Variants in OVCH2 observed in about 807,000 individuals in gnomAD.
OVCH2 encodes ovochymase-2.
OVCH2 carries 88 observed loss-of-function variants against 73.7 expected under a neutral mutation model. The ratio of observed to expected loss-of-function variants is 1.19; its 90% CI spans 1.01 to 1.43. The LOEUF (loss-of-function observed/expected upper bound fraction) is 1.43, where lower values mean the gene tolerates loss of function less well. OVCH2 is among the 40% of genes most tolerant of loss of function. The pLI, the probability that OVCH2 is intolerant of heterozygous loss-of-function variation, is 0.00. For missense variants in OVCH2, 706 were observed against 674.5 expected (o/e 1.05, Z -0.52); for synonymous variants, 265 against 234.5 (o/e 1.13, Z -1.19).
rs373163968 is a variant in OVCH2 at position 7,696,504 on chromosome 11, T to C, written c.1102A>G (p.Ser368Gly). 5.6e-6 allele frequency: 9 copies of C among 1,613,980 alleles called. No homozygotes were observed. Among genetic ancestry groups the C allele is most frequent in the Middle Eastern group, 1.6e-4 (1 of 6,062 alleles). Residue 368 changes from serine (S) to glycine (G), a missense_variant, in exon 10 of 16, where the codon AGT becomes GGT. Ser to Gly is a moderately conservative substitution (Grantham distance 56). Transcript: ENST00000533663. ...SHLDVESCHH[S>G]YLSMYSLEDR... Reference sequence around the variant, plus strand: ...TCTAAAGAATACATTGACAGGTAACTGTGGTGACAAGACTCAACATCTAGG... The same window carrying C: ...TCTAAAGAATACATTGACAGGTAACCGTGGTGACAAGACTCAACATCTAGG...
chr11:7,687,174 G>A (rs1856151058), downstream of OVCH2, among the ~76,000 whole-genome samples: 1 of 151,850 alleles, frequency 6.6e-6, no homozygotes, highest in African/African-American at 2.4e-5. Flanking sequence ...TATATTTCAG[G>A]GCATGTTATT....
the OVCH2 span, among the ~76,000 whole-genome samples, chr11:7,680,300 C>A: frequency 6.6e-6 from 1 of 152,202 alleles, no homozygotes; most frequent in Non-Finnish European, 1.5e-5. Context: ...CCAGTGTCTA[C>A]TGGAGAATTG....
Position 7,691,923 on chromosome 11 carries a change from C to G in OVCH2, c.1486G>C (p.Val496Leu). 6.4e-7 allele frequency: 1 copy of G among 1,571,964 alleles called. No individual in the cohort carries two copies. Among genetic ancestry groups the G allele is most frequent in the Non-Finnish European group, 8.6e-7 (1 of 1,156,886 alleles). Residue 496 changes from valine to leucine, a missense_variant, in exon 13 of 16, where the codon GTA becomes CTA. By Grantham distance (32) the Val-to-Leu change is conservative. Transcript: ENST00000533663. ...TSDYVTVHSD[V>L]ERKKEIARLC... ...AAACCTATTTCCTTCTTCCTTTCTA[C>G]ATCGCTGTGCACTGTCACATAGTCG...
At chr11:7,704,371 T>A (rs757313405) in intron 2 of OVCH2, among the ~76,000 whole-genome samples, 194 bp downstream of exon 2, 33 of 152,228 alleles carry the variant, frequency 2.2e-4, no homozygotes, top group Non-Finnish European at 4.1e-4. Flanking sequence ...TGATACTTGA[T>A]TTGATTCTAA....
downstream of OVCH2, among the ~76,000 whole-genome samples, chr11:7,689,217 G>A (rs1856174689): frequency 6.6e-6 from 1 of 152,182 alleles, no homozygotes; most frequent in African/African-American, 2.4e-5. Context: ...TAGTTTGAAG[G>A]CCCTTAAAAG....
chr11:7,680,054 C>T, the OVCH2 span, among the ~76,000 whole-genome samples: 2 of 152,066 alleles, frequency 1.3e-5, no homozygotes, highest in South Asian at 2.1e-4. Context: ...AAATGATCAA[C>T]ATAACTAACA....
At chr11:7,682,335 A>G in the OVCH2 span, among the ~76,000 whole-genome samples, 23 of 152,356 alleles carry the variant, frequency 1.5e-4, 1 homozygote, top group South Asian at 4.4e-3. Flanking sequence ...CAGCAAATGC[A>G]TAAATAACAC....
intron 12 of OVCH2, among the ~76,000 whole-genome samples, chr11:7,693,359 A>AGGGGC (rs752113914): frequency 6.6e-6 from 1 of 152,108 alleles, no homozygotes. Context: ...CTTTCTGGGA[A>AGGGGC]GGGGCCCTTT....
intron 3 of OVCH2, 94 bp from the exon 4 acceptor site, chr11:7,702,423 A>G: frequency 2.1e-6 from 2 of 938,536 alleles, no homozygotes; most frequent in Non-Finnish European, 3.1e-6. Flanking sequence ...AATGATATGG[A>G]TAAATAATAT....
chr11:7,684,775 A>G (rs1856125543), downstream of OVCH2, among the ~76,000 whole-genome samples: 1 of 152,056 alleles, frequency 6.6e-6, no homozygotes, highest in Non-Finnish European at 1.5e-5. Flanking sequence ...GCGAAAGTCT[A>G]TTTGCCTAGT....
At chr11:7,684,129 C>G in the OVCH2 span, among the ~76,000 whole-genome samples, 1 of 152,030 alleles carries the variant, frequency 6.6e-6, no homozygotes. Flanking sequence ...TGTCAGCAGA[C>G]CTGTTCTATA....
intron 12 of OVCH2, among the ~76,000 whole-genome samples, chr11:7,693,543 T>C (rs535927278): frequency 6.6e-6 from 1 of 152,334 alleles, no homozygotes; most frequent in South Asian, 2.1e-4. Context: ...TTCAATCACT[T>C]CTGGCTCTGG....
chr11:7,698,697 A>G (rs1696891119), intron 8 of OVCH2, 53 bp downstream of exon 8: 3 of 1,576,040 alleles, frequency 1.9e-6, no homozygotes, highest in African/African-American at 1.3e-5. Context: ...ATATTCAGAA[A>G]TGCTAGATGT....
downstream of OVCH2, among the ~76,000 whole-genome samples, chr11:7,687,266 G>T (rs1327438236): frequency 6.6e-6 from 1 of 151,400 alleles, no homozygotes; most frequent in Admixed American, 6.6e-5. Context: ...AAAAAAATAT[G>T]ATGTTACCCA....
At chr11:7,701,013 T>C (rs1218164540) in intron 6 of OVCH2, among the ~76,000 whole-genome samples, 1 of 152,202 alleles carries the variant, frequency 6.6e-6, no homozygotes, top group African/African-American at 2.4e-5. Flanking sequence ...TGTCCCTTTA[T>C]TTTGATGTAA....
rs139554432 is a variant in OVCH2 at position 7,693,385 on chromosome 11, T to C, written c.1414-1390A>G. ...GGGGCCCTTTTCTCTCCAAGTCAAA[T>C]GGTGAGCATATTCCTATGACTTTTA... On this transcript the variant is annotated intron_variant, in intron 12 of 15. Transcript: ENST00000533663. Among the ~76,000 whole-genome samples the C allele has an allele frequency of 6.0e-4, 92 of 152,334 alleles. No individual in the cohort carries two copies. The East Asian group carries it at 0.017, about 28-fold the overall frequency.
In OVCH2 at chr11:7,695,197, T is replaced by C. The variant is rs1340512754; in HGVS notation, c.1283-9A>G. 6.4e-7 allele frequency: 1 copy of C among 1,552,306 alleles called. No individual in the cohort carries two copies. Among genetic ancestry groups the C allele is most frequent in the South Asian group, 1.2e-5 (1 of 81,992 alleles). On this transcript the variant is annotated splice_polypyrimidine_tract_variant and intron_variant, in intron 11 of 15. Coordinates refer to ENST00000533663, the MANE Select transcript of OVCH2 (RefSeq NM_198185.7). ...GTAACTGCAACCTGAATCTGAAACGTAAGAAAAAGTCCAAACAGATGGCAC... is the reference window on the plus strand; with the variant it reads ...GTAACTGCAACCTGAATCTGAAACGCAAGAAAAAGTCCAAACAGATGGCAC...
downstream of OVCH2, among the ~76,000 whole-genome samples, chr11:7,685,045 G>A (rs536336380): frequency 2.0e-5 from 3 of 152,300 alleles, no homozygotes; most frequent in African/African-American, 7.2e-5. Context: ...AAATTCTCAT[G>A]GAGGGTAACA....
chr11:7,705,154 T>A (rs557950275), intron 1 of OVCH2: 1 of 152,456 alleles, frequency 6.6e-6, no homozygotes, highest in African/African-American at 2.4e-5. Context: ...ATAATCACCA[T>A]GCTTCATTGC....
Sources: allele counts gnomAD v4.1 joint callset (sites outside exome capture counted in the v4.1 genomes callset), GRCh38; gene constraint gnomAD v4.1.1; transcripts MANE v1.5; gene names NCBI Gene and HGNC (gene_info 2026-07-23, HGNC 2026-07-21).